ARHGEF10: variants seen among roughly 807,000 people sequenced by gnomAD.
ARHGEF10 encodes Rho guanine nucleotide exchange factor 10.
ARHGEF10 carries 140 observed loss-of-function variants against 147.4 expected under a neutral mutation model. The observed-to-expected ratio is 0.95, with a 90% confidence interval of 0.83 to 1.09. The LOEUF is 1.09. Ranked by LOEUF, ARHGEF10 falls within the 50% of genes least tolerant of loss-of-function variation. The probability of loss-of-function intolerance (pLI) is 0.00; values close to 1 mark genes in which losing one functional copy is unlikely to be tolerated. For missense variants in ARHGEF10, 2,222 were observed against 1,752.7 expected (o/e 1.27, Z -4.78); for synonymous variants, 902 against 695.8 (o/e 1.30, Z -4.67).
At chr8:1,907,028 G>T (rs1262041491) in intron 17 of ARHGEF10, among the ~76,000 whole-genome samples, 1 of 152,256 alleles carries the variant, frequency 6.6e-6, no homozygotes, top group African/African-American at 2.4e-5. Context: ...CCTGCCTTCT[G>T]TGTGCAGAAG....
intron 27 of ARHGEF10, among the ~76,000 whole-genome samples, chr8:1,951,464 T>C (rs1815042863): frequency 6.6e-6 from 1 of 152,258 alleles, no homozygotes; most frequent in Admixed American, 6.5e-5. Flanking sequence ...AATCGGCGTT[T>C]AGAAATAGAA....
At chr8:1,902,163 C>T (rs1184250445) in intron 15 of ARHGEF10, among the ~76,000 whole-genome samples, 1 of 152,076 alleles carries the variant, frequency 6.6e-6, no homozygotes, top group African/African-American at 2.4e-5. Context: ...CCCCGCCCCG[C>T]AACAGGCCCC....
rs530689264 is a variant in ARHGEF10, at chr8:1,956,891, C to T, written c.3663C>T (p.Asp1221=). 2.7e-5 allele frequency: 44 copies of T among 1,614,042 alleles called. No homozygotes were observed. Among genetic ancestry groups the T allele is most frequent in the East Asian group, 2.0e-4 (9 of 44,884 alleles). ...AGCCTCAGGACGAAGACCAGAAGGA[C>T]GCACTTCCGAGTGGAGGAGCTGGTT... ...GPEPQDEDQK[D]ALPSGGAGSS... is the part of the protein sequence containing the mutation. The change falls in exon 29 of 29, where the codon GAC becomes GAT. Residue 1221 remains aspartate, a synonymous_variant. Transcript: ENST00000349830.
intron 11 of ARHGEF10, among the ~76,000 whole-genome samples, chr8:1,892,863 A>G (rs1809658331): frequency 6.6e-6 from 1 of 152,156 alleles, no homozygotes; most frequent in East Asian, 1.9e-4. Context: ...TGTGTTTAGA[A>G]TGAGGGAAAT....
chr8:1,875,862 C>T (rs7842515), intron 7 of ARHGEF10, among the ~76,000 whole-genome samples: 95,622 of 152,088 alleles, frequency 0.63, 30,700 homozygotes, highest in East Asian at 0.97. Context: ...CAGTGAATGA[C>T]TGTGGATGCA....
chr8:1,886,857 C>T (rs1399805489), intron 11 of ARHGEF10, among the ~76,000 whole-genome samples: 1 of 152,202 alleles, frequency 6.6e-6, no homozygotes, highest in Non-Finnish European at 1.5e-5. Flanking sequence ...TCTCCCATCG[C>T]AGCCTGCTCC....
At chr8:1,843,915 G>A (rs1271011549) in intron 2 of ARHGEF10, among the ~76,000 whole-genome samples, 1 of 152,186 alleles carries the variant, frequency 6.6e-6, no homozygotes, top group African/African-American at 2.4e-5. Flanking sequence ...GGGAGGGCCT[G>A]CTGATGAAAG....
chr8:1,931,548 A>C (rs938932131), intron 25 of ARHGEF10, among the ~76,000 whole-genome samples: 1 of 151,744 alleles, frequency 6.6e-6, no homozygotes, highest in African/African-American at 2.4e-5. Flanking sequence ...TGTCCGGCGT[A>C]CCGTGTGGGA....
intron 13 of ARHGEF10, among the ~76,000 whole-genome samples, chr8:1,895,152 CT>C (rs1418746737): frequency 1.3e-5 from 2 of 152,216 alleles, no homozygotes; most frequent in Non-Finnish European, 2.9e-5. Flanking sequence ...TGAACACTTC[CT>C]GGCAGGAGAA....
chr8:1,938,864 C>G (rs1409315603), intron 26 of ARHGEF10, among the ~76,000 whole-genome samples: 1 of 152,082 alleles, frequency 6.6e-6, no homozygotes, highest in African/African-American at 2.4e-5. Flanking sequence ...AATCTGAACA[C>G]TGTGGAATCT....
intron 14 of ARHGEF10, among the ~76,000 whole-genome samples, chr8:1,897,787 G>A (rs996325543): frequency 6.6e-6 from 1 of 152,194 alleles, no homozygotes; most frequent in African/African-American, 2.4e-5. Flanking sequence ...GGCCGTGACC[G>A]CAGTGCCCAC....
Position 1,896,419 on chromosome 8 carries a change from C to A in ARHGEF10, c.1527C>A (p.Ala509=). 6.2e-7 allele frequency: 1 copy of A among 1,613,764 alleles called. No individual in the cohort carries two copies. The highest frequency in any genetic ancestry group is 8.5e-7 in the Non-Finnish European group (1 of 1,179,914). ...TAVAVLKKTC[A]TKPAFLEFLK... ...TGGCAGTCCTCAAGAAAACATGTGC[C>A]ACAAAGCCCGCTTTTCTTGAATTTT... Residue 509 remains alanine (A), a synonymous_variant, in exon 14 of 29, where the codon GCC becomes GCA. Coordinates refer to ENST00000349830, the MANE Select transcript of ARHGEF10 (RefSeq NM_014629.4).
intron 23 of ARHGEF10, among the ~76,000 whole-genome samples, chr8:1,927,731 T>C (rs1387725463): frequency 6.6e-6 from 1 of 152,092 alleles, no homozygotes; most frequent in African/African-American, 2.4e-5. Context: ...TGGCCAAACA[T>C]AGTGAAACCC....
chr8:1,866,609 TC>T lies in ARHGEF10; in HGVS notation c.622+11del. On this transcript the variant is annotated splice_region_variant and intron_variant, in intron 6 of 28. Transcript: ENST00000349830. ...AACACAGCCTGGATGGAGAGTAAGT[TC>T]CCCAGCTGCCCACAGCCAGAATCCT... 6.2e-7 allele frequency: 1 copy of T among 1,603,256 alleles called. No homozygotes were observed.
At chr8:1,879,636 T>G (rs1286043167) in intron 8 of ARHGEF10, among the ~76,000 whole-genome samples, 4 of 151,584 alleles carry the variant, frequency 2.6e-5, no homozygotes, top group African/African-American at 9.7e-5. Flanking sequence ...CACTGCAGCC[T>G]CCACTTCCCA....
chr8:1,825,953 G>A (rs1802744876), intron 1 of ARHGEF10: 1 of 665,908 alleles, frequency 1.5e-6, no homozygotes, highest in South Asian at 1.9e-5. Flanking sequence ...CTGCTTTATA[G>A]AAAATAATTT....
chr8:1,867,806 C>T (rs947081204), intron 6 of ARHGEF10, among the ~76,000 whole-genome samples: 1 of 152,194 alleles, frequency 6.6e-6, no homozygotes, highest in Admixed American at 6.5e-5. Flanking sequence ...GATCAACTTA[C>T]AAGGTAGAAC....
intron 11 of ARHGEF10, among the ~76,000 whole-genome samples, chr8:1,892,932 C>T (rs1809666043): frequency 6.6e-6 from 1 of 152,114 alleles, no homozygotes; most frequent in African/African-American, 2.4e-5. Context: ...ATTGTATGTG[C>T]TTCAGTGATG....
intron 11 of ARHGEF10, among the ~76,000 whole-genome samples, chr8:1,889,131 T>TGTGAGGGGGGAGAGGGTTGTAAGGGGAAA (rs1809134336): frequency 1.6e-5 from 1 of 61,192 alleles, no homozygotes; most frequent in African/African-American, 1.0e-4. Context: ...GAGGAGACAC[T>TGTGAGGGGGGAGAGGGTTGTAAGGGGAAA]GTGAGTGGGG....
Sources: gnomAD v4.1 joint callset for allele counts (sites outside exome capture counted in the v4.1 genomes callset) on GRCh38, gnomAD v4.1.1 for gene constraint, MANE v1.5 for transcripts, NCBI Gene and HGNC (gene_info 2026-07-23, HGNC 2026-07-21) for gene names.